GNB1L: variants seen among roughly 807,000 people sequenced by gnomAD.
GNB1L encodes the protein G protein subunit beta 1 like, also known as guanine nucleotide-binding protein subunit beta-like protein 1.
In GNB1L, 20 loss-of-function variants were observed where a neutral mutation model predicts 29.1. That is an observed-to-expected ratio of 0.69 (90% CI 0.48 to 1.00). The LOEUF (loss-of-function observed/expected upper bound fraction) is 1.00, where lower values mean the gene tolerates loss of function less well. Ranked by LOEUF, GNB1L falls within the 50% of genes least tolerant of loss-of-function variation. The pLI is 0.00. For synonymous variants in GNB1L, 193 were observed against 206.5 expected (o/e 0.93, Z 0.56); for missense variants, 421 against 464.9 (o/e 0.91, Z 0.87).
At chr22:19,829,519 A>G (rs993842819) in intron 2 of GNB1L, among the ~76,000 whole-genome samples, 2 of 152,212 alleles carry the variant, frequency 1.3e-5, no homozygotes, top group Non-Finnish European at 2.9e-5. Flanking sequence ...CTACGTACCA[A>G]TTTATGAGAT....
intron 7 of GNB1L, among the ~76,000 whole-genome samples, chr22:19,794,961 C>A (rs1937290230): frequency 6.6e-6 from 1 of 152,086 alleles, no homozygotes. Flanking sequence ...AGCCTGGTGA[C>A]AGAGTGAGAC....
intron 2 of GNB1L, among the ~76,000 whole-genome samples, chr22:19,845,146 C>T (rs1044182485): frequency 2.0e-5 from 3 of 152,218 alleles, no homozygotes; most frequent in African/African-American, 7.2e-5. Flanking sequence ...TCCCCTATCA[C>T]ACACAGGTGG....
At chr22:19,821,160 C>A (rs1319316857) in intron 3 of GNB1L, 68 bp downstream of exon 3, 5 of 1,488,684 alleles carry the variant, frequency 3.4e-6, no homozygotes, top group East Asian at 4.5e-5. Flanking sequence ...AAGCGCTGGG[C>A]TCCTTGCTAG....
At chr22:19,834,999 AGT>A (rs1429169546) in intron 2 of GNB1L, among the ~76,000 whole-genome samples, 1 of 152,234 alleles carries the variant, frequency 6.6e-6, no homozygotes, top group Non-Finnish European at 1.5e-5. Flanking sequence ...TAGACCTCAG[AGT>A]GAGGAATATT....
rs886312964 is a variant in GNB1L, at chr22:19,839,654, G to T, written c.-21+14789C>A. Among the ~76,000 whole-genome samples the T allele has an allele frequency of 5.3e-5, 8 of 151,998 alleles. 1 individual carries two copies. In the South Asian group the frequency reaches 1.0e-3, roughly 20 times the overall value. On this transcript the variant is annotated intron_variant, in intron 2 of 7. Transcript: ENST00000329517. ...AGCACTTTGGGAGGCTGAGGCAAGC[G>T]GATCACCTGAGGTCAGGAGTTCAAG...
In GNB1L at chr22:19,788,890, A is replaced by G. The variant is rs912502208; in HGVS notation, c.803T>C (p.Leu268Pro). ...GCGGTGGTCCCAGCCTGCGGTGGCC[A>G]GGATCTTGCGATCTGGCCGGATCGT... ...EVTIRPDRKI[L>P]ATAGWDHRIR... Residue 268 changes from leucine to proline, a missense_variant, in exon 8 of 8, where the codon CTG (leucine) becomes CCG (proline). By Grantham distance (98) the Leu-to-Pro change is moderately conservative (BLOSUM62 -3). Coordinates refer to ENST00000329517, the MANE Select transcript of GNB1L (RefSeq NM_053004.3). 2 of 1,612,782 alleles carry G rather than the reference A, an allele frequency of 1.2e-6. No individual in the cohort carries two copies. Among genetic ancestry groups the G allele is most frequent in the Non-Finnish European group, 1.7e-6 (2 of 1,179,910 alleles).
At position 19,788,470 on chromosome 22, in the gene GNB1L, G is replaced by A. The variant is rs1020377464; in HGVS notation, c.*239C>T. 6.4e-6 allele frequency: 4 copies of A among 623,498 alleles called. No individual in the cohort carries two copies. The highest frequency in any genetic ancestry group is 1.8e-5 in the African/African-American group (1 of 54,398). 38.6% of individuals were successfully genotyped at this position (623,498 alleles called of 1,614,324 possible). On this transcript the variant is annotated 3_prime_UTR_variant, in exon 8 of 8. Coordinates refer to ENST00000329517, the MANE Select transcript of GNB1L (RefSeq NM_053004.3). ...TCAGCTGGCAACACAGCAGGCCCAA[G>A]CCAACGTCTCCTGCAGGCCTCGGAC...
chr22:19,821,727 T>G (rs1937581063), intron 2 of GNB1L, among the ~76,000 whole-genome samples: 1 of 152,148 alleles, frequency 6.6e-6, no homozygotes, highest in South Asian at 2.1e-4. Context: ...CATCCCTGAG[T>G]GGGCACAGCG....
intron 2 of GNB1L, chr22:19,847,804 CAA>C (rs34331843): frequency 0.048 from 28,437 of 591,858 alleles, 25 homozygotes; most frequent in Non-Finnish European, 0.052. Flanking sequence ...GAATCATAGG[CAA>C]AAAAAAAAAA....
chr22:19,831,171 G>C (rs1195591807), intron 2 of GNB1L, among the ~76,000 whole-genome samples: 1 of 150,334 alleles, frequency 6.7e-6, no homozygotes, highest in African/African-American at 2.5e-5. Context: ...AACCAGCCTG[G>C]CCAACATGGT....
chr22:19,798,343 G>A (rs1236253415), intron 7 of GNB1L, among the ~76,000 whole-genome samples: 1 of 152,206 alleles, frequency 6.6e-6, no homozygotes, highest in African/African-American at 2.4e-5. Context: ...AAGAACAGGA[G>A]GCTGATTTGA....
chr22:19,804,498 T>C (rs187911080), intron 6 of GNB1L, among the ~76,000 whole-genome samples: 7 of 152,342 alleles, frequency 4.6e-5, no homozygotes, highest in African/African-American at 1.7e-4. Flanking sequence ...ATTATTCTTA[T>C]GTTGCAGGTC....
At position 19,851,020 on chromosome 22, in the gene GNB1L, A is replaced by G; in HGVS notation, c.-21+3423T>C. ...TGGGGGAGCTGGTTCTGCTCAGCGC[A>G]GAGTCCAAAACAAGCGCATCTTGCC... On this transcript the variant is annotated intron_variant, in intron 2 of 7. Transcript: ENST00000329517. 1.4e-6 allele frequency: 2 copies of G among 1,437,172 alleles called. 1 individual carries two copies. Among genetic ancestry groups the G allele is most frequent in the South Asian group, 3.0e-5 (2 of 65,644 alleles). 89.0% of individuals were successfully genotyped at this position (1,437,172 alleles called of 1,614,324 possible). A position where few individuals can be genotyped will look rare whatever the true frequency, so the allele number is the denominator to read the frequency against.
intron 2 of GNB1L, among the ~76,000 whole-genome samples, chr22:19,830,977 C>T (rs756342298): frequency 2.1e-4 from 32 of 152,162 alleles, no homozygotes; most frequent in African/African-American, 6.8e-4. Context: ...GTGAAATACA[C>T]GAGCATAAAC....
At chr22:19,804,593 CA>C (rs900430954) in intron 6 of GNB1L, among the ~76,000 whole-genome samples, 57 of 150,758 alleles carry the variant, frequency 3.8e-4, no homozygotes, top group African/African-American at 1.4e-3. Flanking sequence ...GATTGCCCCC[CA>C]AAAAAAGAAA....
chr22:19,839,881 TAATAATAATAAC>T (rs1331194212), intron 2 of GNB1L, among the ~76,000 whole-genome samples: 2 of 149,828 alleles, frequency 1.3e-5, no homozygotes, highest in South Asian at 2.1e-4. Flanking sequence ...GTCTCAATAA[TAATAATAATAAC>T]AATAATAATA....
chr22:19,821,159 G>T, intron 3 of GNB1L, 69 bp downstream of exon 3: 1 of 1,480,182 alleles, frequency 6.8e-7, no homozygotes, highest in Non-Finnish European at 9.3e-7. Context: ...CAAGCGCTGG[G>T]CTCCTTGCTA....
rs552559645 is a variant in GNB1L at position 19,803,412 on chromosome 22, G to A, written c.517-1196C>T. 6.6e-5 allele frequency among the ~76,000 whole-genome samples: 10 copies of A among 152,202 alleles called. No homozygotes were observed. In the East Asian group the frequency reaches 7.7e-4, roughly 12 times the overall value. Reference sequence around the variant, plus strand: ...CAGGCCTCATCCCAAGTCATGCCCCGCTGCCAGAGTCCACATTGTCCCTGG... The same window carrying A: ...CAGGCCTCATCCCAAGTCATGCCCCACTGCCAGAGTCCACATTGTCCCTGG... On this transcript the variant is annotated intron_variant, in intron 6 of 7. Transcript: ENST00000329517.
intron 6 of GNB1L, among the ~76,000 whole-genome samples, chr22:19,804,845 T>C (rs1263789832): frequency 6.6e-6 from 1 of 152,244 alleles, no homozygotes; most frequent in Non-Finnish European, 1.5e-5. Flanking sequence ...CGCATTTTTC[T>C]GTTGGAATTT....
Sources: gnomAD v4.1 joint callset for allele counts (sites outside exome capture counted in the v4.1 genomes callset) on GRCh38, gnomAD v4.1.1 for gene constraint, MANE v1.5 for transcripts, NCBI Gene and HGNC (gene_info 2026-07-23, HGNC 2026-07-21) for gene names.